The following LRRC4C variants were observed in gnomAD, a reference collection of about 807,000 sequenced individuals.
LRRC4C encodes the protein leucine-rich repeat-containing protein 4C.
LRRC4C carries 5 observed loss-of-function variants against 33.6 expected under a neutral mutation model. The ratio of observed to expected loss-of-function variants is 0.15; its 90% CI spans 0.08 to 0.31. The LOEUF (loss-of-function observed/expected upper bound fraction) is 0.31. Ranked by LOEUF, LRRC4C falls within the 10% of genes least tolerant of loss-of-function variation. The pLI is 1.00. For synonymous variants in LRRC4C, 329 were observed against 302.0 expected (o/e 1.09, Z -0.93); for missense variants, 560 against 796.7 (o/e 0.70, Z 3.58).
chr11:40,734,957 CA>C (rs200434545), intron 2 of LRRC4C, among the ~76,000 whole-genome samples: 11 of 150,994 alleles, frequency 7.3e-5, no homozygotes, highest in Non-Finnish European at 1.2e-4. Flanking sequence ...CCATTTAAAA[CA>C]AAAAAAAGGA....
intron 4 of LRRC4C, among the ~76,000 whole-genome samples, chr11:40,255,313 C>G (rs561768429): frequency 6.6e-6 from 1 of 152,058 alleles, no homozygotes; most frequent in Non-Finnish European, 1.5e-5. Flanking sequence ...GAGGAAACAA[C>G]AAAAGCAAAA....
At chr11:40,695,207 C>T (rs114658258) in intron 2 of LRRC4C, among the ~76,000 whole-genome samples, 2 of 152,086 alleles carry the variant, frequency 1.3e-5, no homozygotes, top group South Asian at 2.1e-4. Flanking sequence ...TGGTGAGGCA[C>T]CATGAAGGGA....
intron 1 of LRRC4C, among the ~76,000 whole-genome samples, chr11:41,347,346 G>A (rs1951837206): frequency 6.6e-6 from 1 of 152,128 alleles, no homozygotes; most frequent in Non-Finnish European, 1.5e-5. Flanking sequence ...GGCATTTAAG[G>A]AGAGCTTTAG....
At chr11:40,764,789 G>A (rs1055370297) in intron 2 of LRRC4C, among the ~76,000 whole-genome samples, 2 of 152,100 alleles carry the variant, frequency 1.3e-5, no homozygotes, top group Admixed American at 1.3e-4. Flanking sequence ...AAGAATTTCT[G>A]CCTAGTAATC....
rs72901046 is a variant in LRRC4C at position 40,519,619 on chromosome 11, A to G, written c.-270+128523T>C. 3.6e-3 allele frequency among the ~76,000 whole-genome samples: 543 copies of G among 152,272 alleles called. 2 individuals are homozygous for G. The highest frequency in any genetic ancestry group is 6.0e-3 in the Non-Finnish European group (405 of 68,028). On this transcript the variant is annotated intron_variant, in intron 3 of 6. Transcript: ENST00000528697. Reference sequence around the variant, plus strand: ...GATTTTATCTTCTATTTAGATGACTAACTGTCTTCATATTAGCAATAGGCT... The same window carrying G: ...GATTTTATCTTCTATTTAGATGACTGACTGTCTTCATATTAGCAATAGGCT...
chr11:40,367,605 C>T (rs1038173589), intron 3 of LRRC4C, among the ~76,000 whole-genome samples: 6 of 151,996 alleles, frequency 3.9e-5, no homozygotes, highest in Non-Finnish European at 7.4e-5. Context: ...ACCAACATAT[C>T]GTATATAGAA....
At chr11:40,460,966 G>T (rs1952367281) in intron 3 of LRRC4C, among the ~76,000 whole-genome samples, 1 of 152,116 alleles carries the variant, frequency 6.6e-6, no homozygotes, top group South Asian at 2.1e-4. Context: ...CTGTCTTGCA[G>T]CAAACTCAAA....
chr11:41,065,909 G>A (rs1466316186), intron 1 of LRRC4C, among the ~76,000 whole-genome samples: 1 of 152,094 alleles, frequency 6.6e-6, no homozygotes, highest in Non-Finnish European at 1.5e-5. Context: ...CCATCCAAAG[G>A]TCATCAGCCT....
chr11:40,347,231 T>TA, intron 3 of LRRC4C, among the ~76,000 whole-genome samples: 1 of 152,224 alleles, frequency 6.6e-6, no homozygotes, highest in East Asian at 1.9e-4. Flanking sequence ...TACTTCACCT[T>TA]ATACTTTTAT....
chr11:40,692,423 A>G (rs531097303), intron 2 of LRRC4C, among the ~76,000 whole-genome samples: 5 of 152,202 alleles, frequency 3.3e-5, no homozygotes, highest in South Asian at 4.1e-4. Context: ...ATTATTTTGA[A>G]AAGTAGACCT....
chr11:40,499,808 C>A (rs962917106), intron 3 of LRRC4C, among the ~76,000 whole-genome samples: 1 of 152,128 alleles, frequency 6.6e-6, no homozygotes, highest in Non-Finnish European at 1.5e-5. Context: ...CCTCAACAAA[C>A]AAGCTGGACC....
chr11:41,399,497 C>T (rs1206240865), intron 1 of LRRC4C, among the ~76,000 whole-genome samples: 1 of 151,842 alleles, frequency 6.6e-6, no homozygotes, highest in African/African-American at 2.4e-5. Context: ...CTTTCCTTCA[C>T]GGAGAAGAAA....
intron 1 of LRRC4C, among the ~76,000 whole-genome samples, chr11:41,231,156 A>G (rs1947774184): frequency 6.6e-6 from 1 of 152,104 alleles, no homozygotes; most frequent in Admixed American, 6.6e-5. Flanking sequence ...ACACTTTTAC[A>G]CTGTTGGTGG....
At chr11:40,163,884 G>T (rs2135375709) in intron 5 of LRRC4C, among the ~76,000 whole-genome samples, 1 of 152,182 alleles carries the variant, frequency 6.6e-6, no homozygotes, top group East Asian at 1.9e-4. Flanking sequence ...AAAGTGGTGG[G>T]ATTATAATTT....
intron 2 of LRRC4C, among the ~76,000 whole-genome samples, chr11:40,759,908 A>G (rs1407013162): frequency 2.6e-5 from 4 of 151,566 alleles, no homozygotes; most frequent in Non-Finnish European, 4.4e-5. Flanking sequence ...AAAAATAGAG[A>G]AAAAGGTAAT....
At chr11:40,803,089 A>T (rs886867407) in intron 2 of LRRC4C, among the ~76,000 whole-genome samples, 1 of 152,220 alleles carries the variant, frequency 6.6e-6, no homozygotes. Context: ...TCAACCTATG[A>T]TTTGATAACC....
At chr11:41,276,805 A>G (rs1329918805) in intron 1 of LRRC4C, among the ~76,000 whole-genome samples, 2 of 152,136 alleles carry the variant, frequency 1.3e-5, no homozygotes, top group Non-Finnish European at 2.9e-5. Flanking sequence ...GAGAGAAAAG[A>G]TATGTAAAGC....
intron 3 of LRRC4C, among the ~76,000 whole-genome samples, chr11:40,329,801 G>T (rs1363033897): frequency 6.7e-6 from 1 of 148,670 alleles, no homozygotes; most frequent in Non-Finnish European, 1.5e-5. Flanking sequence ...GAGTGCAGTG[G>T]TGCAGTCTTG....
intron 3 of LRRC4C, among the ~76,000 whole-genome samples, chr11:40,474,533 C>T (rs758619405): frequency 1.1e-4 from 16 of 152,176 alleles, no homozygotes; most frequent in Non-Finnish European, 1.8e-4. Flanking sequence ...GCAATGACTT[C>T]ATGACTAAAA....
Sources: allele counts gnomAD v4.1 joint callset (sites outside exome capture counted in the v4.1 genomes callset), GRCh38; gene constraint gnomAD v4.1.1; transcripts MANE v1.5; gene names NCBI Gene and HGNC (gene_info 2026-07-23, HGNC 2026-07-21).